SLC9A9: variants seen among roughly 807,000 people sequenced by gnomAD.
SLC9A9 encodes solute carrier family 9 member A9, also known as sodium/hydrogen exchanger 9.
In SLC9A9, 62 loss-of-function variants were observed where a neutral mutation model predicts 77.8. That is an observed-to-expected ratio of 0.80 (90% CI 0.65 to 0.98). The LOEUF (loss-of-function observed/expected upper bound fraction) is 0.98. Among genes scored for constraint, SLC9A9 ranks in the 50% least tolerant of loss-of-function variants. SLC9A9 has a pLI of 0.00. For missense variants in SLC9A9, 775 were observed against 774.9 expected, an observed-to-expected ratio of 1.00 and a Z score of 0.00; for synonymous variants, 320 against 283.5, an observed-to-expected ratio of 1.13 and a Z score of -1.29.
intron 6 of SLC9A9, among the ~76,000 whole-genome samples, chr3:143,604,252 A>G (rs1047846338): frequency 6.6e-6 from 1 of 152,162 alleles, no homozygotes; most frequent in African/African-American, 2.4e-5. Flanking sequence ...CAAGTTCTTT[A>G]TGGAAGTAAT....
chr3:143,320,251 C>G (rs1026188849), intron 14 of SLC9A9, among the ~76,000 whole-genome samples: 4 of 152,218 alleles, frequency 2.6e-5, no homozygotes, highest in Admixed American at 2.6e-4. Flanking sequence ...AGTAGTTGCT[C>G]AATGAATACT....
chr3:143,700,415 C>T (rs1933763036), intron 4 of SLC9A9, among the ~76,000 whole-genome samples: 3 of 152,156 alleles, frequency 2.0e-5, no homozygotes, highest in Non-Finnish European at 4.4e-5. Flanking sequence ...GTAGACCTGC[C>T]CTGGGCCAGA....
At chr3:143,476,969 A>G (rs550753512) in intron 11 of SLC9A9, among the ~76,000 whole-genome samples, 5 of 152,316 alleles carry the variant, frequency 3.3e-5, no homozygotes, top group Admixed American at 1.3e-4. Context: ...TAAGTTTCCA[A>G]TTTGGATCTG....
At chr3:143,268,587 G>C (rs7430744) in intron 15 of SLC9A9, among the ~76,000 whole-genome samples, 1 of 151,972 alleles carries the variant, frequency 6.6e-6, no homozygotes, top group Admixed American at 6.5e-5. Flanking sequence ...CAAAAAATTA[G>C]CTGGGTGTGG....
chr3:143,597,802 A>G (rs557054718), intron 6 of SLC9A9, among the ~76,000 whole-genome samples: 137 of 152,340 alleles, frequency 9.0e-4, no homozygotes, highest in Non-Finnish European at 1.5e-3. Context: ...CTATAGTCTC[A>G]AATGTAGAGA....
chr3:143,267,079 AT>A, intron 15 of SLC9A9, 150 bp from the exon 16 acceptor site: 1 of 737,450 alleles, frequency 1.4e-6, no homozygotes, highest in Admixed American at 2.1e-5. Context: ...TGCTGCAGGC[AT>A]GGTACAGCCT....
intron 12 of SLC9A9, among the ~76,000 whole-genome samples, chr3:143,432,778 C>T (rs1230916874): frequency 6.6e-6 from 1 of 152,200 alleles, no homozygotes; most frequent in African/African-American, 2.4e-5. Context: ...CAGGTATATA[C>T]CCCCACACCC....
chr3:143,501,950 C>T lies in SLC9A9; in HGVS notation c.1090-6502G>A, dbSNP rs867362554. On this transcript the variant is annotated intron_variant, in intron 9 of 15. Coordinates refer to ENST00000316549, the MANE Select transcript of SLC9A9 (RefSeq NM_173653.4). ...TGCCTGAGTCTGGCCCGAAGGAGTA[C>T]GCAATCACTGAGGGAATAAACTTAT... 6.6e-5 allele frequency among the ~76,000 whole-genome samples: 10 copies of T among 150,534 alleles called. 1 individual carries two copies. Among genetic ancestry groups the T allele is most frequent in the South Asian group, 2.1e-4 (1 of 4,822 alleles).
intron 14 of SLC9A9, among the ~76,000 whole-genome samples, chr3:143,333,367 T>C (rs1359001428): frequency 6.6e-6 from 1 of 152,138 alleles, no homozygotes; most frequent in Non-Finnish European, 1.5e-5. Flanking sequence ...GCCTAATTAT[T>C]TGGATTGTTT....
intron 9 of SLC9A9, among the ~76,000 whole-genome samples, chr3:143,513,799 C>A (rs1429169614): frequency 1.3e-5 from 2 of 152,146 alleles, no homozygotes; most frequent in Non-Finnish European, 2.9e-5. Flanking sequence ...TCTTGGGTGA[C>A]CAGGTGCATT....
chr3:143,429,847 A>G (rs1477970005), intron 12 of SLC9A9, among the ~76,000 whole-genome samples: 1 of 152,180 alleles, frequency 6.6e-6, no homozygotes, highest in South Asian at 2.1e-4. Flanking sequence ...GTACACAGTC[A>G]AGTTGTGTTC....
intron 6 of SLC9A9, among the ~76,000 whole-genome samples, chr3:143,606,093 C>T (rs546612665): frequency 7.2e-5 from 11 of 152,088 alleles, no homozygotes; most frequent in East Asian, 5.8e-4. Flanking sequence ...CATTGTCTCA[C>T]AAAAATATTT....
intron 9 of SLC9A9, among the ~76,000 whole-genome samples, chr3:143,549,299 T>A (rs1184529537): frequency 6.6e-6 from 1 of 152,210 alleles, no homozygotes; most frequent in Non-Finnish European, 1.5e-5. Flanking sequence ...GACCTTAGAC[T>A]CTGTTTACTA....
intron 9 of SLC9A9, chr3:143,503,854 G>A (rs537768894): frequency 3.2e-4 from 112 of 348,236 alleles, no homozygotes; most frequent in Middle Eastern, 3.2e-3. Context: ...AGTTGTTTTT[G>A]CACTTCTCAT....
At chr3:143,430,463 C>T (rs1368051505) in intron 12 of SLC9A9, among the ~76,000 whole-genome samples, 3 of 152,222 alleles carry the variant, frequency 2.0e-5, no homozygotes, top group Admixed American at 2.0e-4. Flanking sequence ...GGCCTGGTCC[C>T]TACTGTTGAA....
intron 13 of SLC9A9, among the ~76,000 whole-genome samples, chr3:143,374,288 G>A (rs1380821166): frequency 1.3e-5 from 2 of 151,776 alleles, no homozygotes; most frequent in African/African-American, 2.4e-5. Flanking sequence ...AGCCGGGCGT[G>A]GTGGCGGGCG....
intron 4 of SLC9A9, among the ~76,000 whole-genome samples, chr3:143,734,251 A>G (rs1033080676): frequency 6.6e-6 from 1 of 152,136 alleles, no homozygotes; most frequent in African/African-American, 2.4e-5. Flanking sequence ...TGAAACTAAG[A>G]AAGATTTTTG....
chr3:143,663,476 G>C (rs115764435), intron 5 of SLC9A9, among the ~76,000 whole-genome samples: 71 of 152,356 alleles, frequency 4.7e-4, no homozygotes, highest in African/African-American at 1.6e-3. Context: ...TCGACGAGTT[G>C]ATAGAAGTAG....
intron 6 of SLC9A9, among the ~76,000 whole-genome samples, chr3:143,633,059 T>C (rs2038453599): frequency 1.3e-5 from 2 of 152,242 alleles, no homozygotes; most frequent in African/African-American, 4.8e-5. Context: ...AAATACCTTA[T>C]GCCTTTTACA....
Sources: allele counts gnomAD v4.1 joint callset (sites outside exome capture counted in the v4.1 genomes callset), GRCh38; gene constraint gnomAD v4.1.1; transcripts MANE v1.5; gene names NCBI Gene and HGNC (gene_info 2026-07-23, HGNC 2026-07-21).